PLCH1: variants seen among roughly 807,000 people sequenced by gnomAD.
PLCH1 encodes the protein phospholipase C eta 1, also known as 1-phosphatidylinositol 4,5-bisphosphate phosphodiesterase eta-1.
Under a neutral mutation model 126.7 loss-of-function variants are expected in PLCH1, and 60 were observed. The observed-to-expected ratio is 0.47, with a 90% CI of 0.38 to 0.59. The LOEUF is 0.59. Ranked by LOEUF, PLCH1 falls within the 20% of genes least tolerant of loss-of-function variation. The probability of loss-of-function intolerance (pLI) is 0.00; values close to 1 mark genes in which losing one functional copy is unlikely to be tolerated. For synonymous variants in PLCH1, 719 were observed against 734.9 expected (o/e 0.98, Z 0.35); for missense variants, 1,723 against 2,040.0 (o/e 0.84, Z 2.99).
chr3:155,452,164 A>G (rs1712323422), intron 21 of PLCH1, among the ~76,000 whole-genome samples: 1 of 152,224 alleles, frequency 6.6e-6, no homozygotes. Flanking sequence ...GGGAGGCCTC[A>G]GAATCATGAT....
intron 2 of PLCH1, among the ~76,000 whole-genome samples, chr3:155,630,753 G>C (rs948120819): frequency 6.6e-6 from 1 of 152,184 alleles, no homozygotes; most frequent in Non-Finnish European, 1.5e-5. Context: ...TTCTGGCTTA[G>C]AGGGTTAAGG....
At chr3:155,589,662 T>C (rs1731843367) in intron 4 of PLCH1, among the ~76,000 whole-genome samples, 1 of 152,128 alleles carries the variant, frequency 6.6e-6, no homozygotes, top group African/African-American at 2.4e-5. Flanking sequence ...AATGGTCTGA[T>C]AGAGAAAAAT....
At chr3:155,657,513 A>G (rs1283103464) in intron 2 of PLCH1, among the ~76,000 whole-genome samples, 1 of 152,188 alleles carries the variant, frequency 6.6e-6, no homozygotes, top group African/African-American at 2.4e-5. Flanking sequence ...TATATGTGAG[A>G]AAACCACCCA....
In PLCH1 at chr3:155,594,095, A is replaced by T; in HGVS notation, c.316T>A (p.Cys106Ser). ...TGGTTGCCATGGTAGATGGTGAAGC[A>T]GCAGCTGGGGTCGAAGTTCCCCTCA... ...QAEGNFDPSC[C>S]FTIYHGNHME... is the part of the protein sequence containing the mutation. The change falls in exon 4 of 23, where the codon TGC becomes AGC. Residue 106 changes from cysteine (C) to serine (S), a missense_variant. Cys to Ser is a moderately radical substitution (Grantham distance 112). Coordinates refer to ENST00000460012, the MANE Select transcript of PLCH1 (RefSeq NM_014996.4). 6.2e-7 allele frequency: 1 copy of T among 1,614,130 alleles called. No homozygotes were observed. The highest frequency in any genetic ancestry group is 8.5e-7 in the Non-Finnish European group (1 of 1,180,028).
At chr3:155,676,095 G>A in intron 2 of PLCH1, 2 of 1,456,586 alleles carry the variant, frequency 1.4e-6, no homozygotes, top group South Asian at 1.5e-5. Flanking sequence ...CTCTCTAAAG[G>A]CAAAGCCTTT....
chr3:155,613,491 C>G (rs1340300413), intron 2 of PLCH1, among the ~76,000 whole-genome samples: 2 of 152,048 alleles, frequency 1.3e-5, no homozygotes, highest in African/African-American at 4.8e-5. Context: ...TGCAAGGATA[C>G]TTTAACACAC....
chr3:155,534,942 A>G (rs1415474718), intron 10 of PLCH1, among the ~76,000 whole-genome samples: 1 of 152,232 alleles, frequency 6.6e-6, no homozygotes, highest in Admixed American at 6.5e-5. Flanking sequence ...TAAGCCTGTG[A>G]AACTGTGAGT....
chr3:155,676,196 G>T, intron 2 of PLCH1: 1 of 1,303,254 alleles, frequency 7.7e-7, no homozygotes, highest in Non-Finnish European at 9.8e-7. Flanking sequence ...GCCCTTTATG[G>T]CATGATGAGA....
chr3:155,713,207 ACT>A (rs1272622935), intron 1 of PLCH1, among the ~76,000 whole-genome samples: 2 of 152,020 alleles, frequency 1.3e-5, no homozygotes, highest in Admixed American at 6.6e-5. Context: ...GACAGACAAG[ACT>A]CTAATTCTTC....
Position 155,623,445 on chromosome 3 carries a change from C to CA in PLCH1, c.80-27068dup, listed in dbSNP as rs201347019. On this transcript the variant is annotated intron_variant, in intron 2 of 22. Transcript: ENST00000460012. ...GGAGATAGAGACATGAAAAACCCTT[C>CA]AAAAAAAACCAATGAATCCAGGAGC... is the stretch of plus-strand genomic sequence containing the variant. Among the ~76,000 whole-genome samples the CA allele has an allele frequency of 4.1e-4, 62 of 151,676 alleles. No homozygotes were observed. The East Asian group carries it at 8.7e-3, about 21-fold the overall frequency.
At chr3:155,588,657 T>C (rs1731690463) in intron 4 of PLCH1, among the ~76,000 whole-genome samples, 1 of 152,228 alleles carries the variant, frequency 6.6e-6, no homozygotes, top group Admixed American at 6.5e-5. Flanking sequence ...AGGATAAGCC[T>C]GTGTCTGTCT....
intron 2 of PLCH1, among the ~76,000 whole-genome samples, chr3:155,609,758 G>C (rs1038500837): frequency 8.6e-5 from 13 of 151,922 alleles, no homozygotes; most frequent in Non-Finnish European, 1.6e-4. Context: ...ACACCAGAAA[G>C]TTTCAACAAT....
At chr3:155,500,829 A>G in intron 13 of PLCH1, 35 bp from the exon 14 acceptor site, 2 of 1,323,510 alleles carry the variant, frequency 1.5e-6, no homozygotes, top group Middle Eastern at 1.8e-4. Context: ...TAACAAACTC[A>G]TTGTATCAAG....
intron 6 of PLCH1, among the ~76,000 whole-genome samples, chr3:155,577,208 A>G (rs772550980): frequency 2.0e-5 from 3 of 152,120 alleles, no homozygotes; most frequent in Admixed American, 6.5e-5. Context: ...TATACGATCC[A>G]TGATCGCACC....
At chr3:155,588,445 C>T (rs568934745) in intron 4 of PLCH1, among the ~76,000 whole-genome samples, 5 of 152,138 alleles carry the variant, frequency 3.3e-5, no homozygotes, top group Non-Finnish European at 5.9e-5. Flanking sequence ...ACTATGGACA[C>T]TACTCTATGC....
intron 2 of PLCH1, among the ~76,000 whole-genome samples, chr3:155,607,904 G>T (rs184781980): frequency 6.6e-6 from 1 of 152,162 alleles, no homozygotes; most frequent in African/African-American, 2.4e-5. Flanking sequence ...AATGTGCCAG[G>T]AAGAGAAAGA....
At chr3:155,477,074 T>C (rs939278185), downstream of PLCH1, among the ~76,000 whole-genome samples, 2 of 151,830 alleles carry the variant, frequency 1.3e-5, no homozygotes, top group African/African-American at 2.4e-5. Flanking sequence ...TGGAACACAA[T>C]AGAAAATGCA....
intron 1 of PLCH1, among the ~76,000 whole-genome samples, chr3:155,744,556 C>A (rs1193062660): frequency 6.6e-6 from 1 of 152,206 alleles, no homozygotes; most frequent in East Asian, 1.9e-4. Flanking sequence ...CCACCACCAC[C>A]GCAAGGGACC....
At chr3:155,684,347 G>T (rs1744774911) in intron 2 of PLCH1, among the ~76,000 whole-genome samples, 1 of 152,094 alleles carries the variant, frequency 6.6e-6, no homozygotes. Context: ...GTCTCTTCAG[G>T]CCACCCAAAC....
Sources: allele counts gnomAD v4.1 joint callset (sites outside exome capture counted in the v4.1 genomes callset), GRCh38; gene constraint gnomAD v4.1.1; transcripts MANE v1.5; gene names NCBI Gene and HGNC (gene_info 2026-07-23, HGNC 2026-07-21).